The following KLRG1 variants were observed in gnomAD, a reference collection of about 807,000 sequenced individuals.
KLRG1 encodes killer cell lectin-like receptor subfamily G member 1.
KLRG1 carries 16 observed loss-of-function variants against 21.8 expected under a neutral mutation model. That is an observed-to-expected ratio of 0.73 (90% confidence interval 0.50 to 1.11). The LOEUF is 1.11. KLRG1 is among the 50% of genes most tolerant of loss of function. The pLI, the probability that KLRG1 is intolerant of heterozygous loss-of-function variation, is 0.00. For missense variants in KLRG1, 173 were observed against 218.3 expected (o/e 0.79, Z 1.31); for synonymous variants, 69 against 75.9 (o/e 0.91, Z 0.47).
At chr12:8,998,803 C>G (rs2137376945) in intron 3 of KLRG1, among the ~76,000 whole-genome samples, 1 of 152,092 alleles carries the variant, frequency 6.6e-6, no homozygotes, top group Admixed American at 6.5e-5. Context: ...ACTTTTTCTA[C>G]TAATTGTCTT....
chr12:8,977,674 CT>C (rs201008797), intron 1 of KLRG1, among the ~76,000 whole-genome samples: 1 of 151,722 alleles, frequency 6.6e-6, no homozygotes, highest in Non-Finnish European at 1.5e-5. Flanking sequence ...TGCTGTCTTC[CT>C]TTTTTTTATT....
chr12:9,195,919 T>A, the KLRG1 span, among the ~76,000 whole-genome samples: 1 of 151,844 alleles, frequency 6.6e-6, no homozygotes, highest in African/African-American at 2.4e-5. Flanking sequence ...ATGCCTAAAA[T>A]TAAAGACTTA....
chr12:9,037,599 C>T, the KLRG1 span, among the ~76,000 whole-genome samples: 3 of 152,090 alleles, frequency 2.0e-5, no homozygotes, highest in South Asian at 6.2e-4. Flanking sequence ...CAATAATGTC[C>T]TAGGCTTTCA....
the KLRG1 span, chr12:9,072,903 T>G: frequency 6.3e-7 from 1 of 1,584,066 alleles, no homozygotes; most frequent in Non-Finnish European, 8.6e-7. Flanking sequence ...GAGAACCCAT[T>G]GGGCATTATA....
At chr12:9,034,608 G>C in the KLRG1 span, among the ~76,000 whole-genome samples, 1 of 151,970 alleles carries the variant, frequency 6.6e-6, no homozygotes, top group South Asian at 2.1e-4. Flanking sequence ...CACCATGCCC[G>C]GCTAATTTTT....
At chr12:9,205,423 G>A in the KLRG1 span, among the ~76,000 whole-genome samples, 2 of 152,142 alleles carry the variant, frequency 1.3e-5, no homozygotes, top group African/African-American at 4.8e-5. Context: ...AGCTGTCTCT[G>A]TATTAAGCCA....
the KLRG1 span, chr12:9,165,491 C>T: frequency 9.3e-7 from 1 of 1,080,414 alleles, no homozygotes; most frequent in Non-Finnish European, 1.3e-6. Flanking sequence ...TGCGAGTGTG[C>T]ATTCGTGTGA....
At chr12:8,960,856 A>G (rs1946369854) in intron 1 of KLRG1, among the ~76,000 whole-genome samples, 1 of 152,164 alleles carries the variant, frequency 6.6e-6, no homozygotes, top group Non-Finnish European at 1.5e-5. Flanking sequence ...GAGATTCCCT[A>G]AGGTCTCCTC....
the KLRG1 span, among the ~76,000 whole-genome samples, chr12:9,043,688 G>A: frequency 6.6e-6 from 1 of 152,188 alleles, no homozygotes; most frequent in Non-Finnish European, 1.5e-5. Flanking sequence ...TCCCTCAAGA[G>A]GTGAAATCTG....
chr12:8,997,782 T>C (rs1947178601), intron 3 of KLRG1, among the ~76,000 whole-genome samples: 1 of 152,064 alleles, frequency 6.6e-6, no homozygotes, highest in Admixed American at 6.6e-5. Context: ...TTATGTATAG[T>C]ATTCTTTTTT....
At chr12:9,028,441 C>T in the KLRG1 span, among the ~76,000 whole-genome samples, 181 of 119,062 alleles carry the variant, frequency 1.5e-3, 5 homozygotes, top group African/African-American at 4.5e-3. Context: ...TGAGCCACCA[C>T]GCCAGGCCTT....
chr12:9,013,663 C>T (rs1161940321), downstream of KLRG1, among the ~76,000 whole-genome samples: 1 of 152,110 alleles, frequency 6.6e-6, no homozygotes, highest in Non-Finnish European at 1.5e-5. Context: ...GGGAAACTCC[C>T]CTTCATAAGA....
chr12:9,000,319 G>A (rs1947267944), intron 3 of KLRG1, among the ~76,000 whole-genome samples: 1 of 152,174 alleles, frequency 6.6e-6, no homozygotes, highest in Non-Finnish European at 1.5e-5. Context: ...TTTATAATCA[G>A]ATTAAGCAGC....
chr12:9,038,140 A>C, the KLRG1 span, among the ~76,000 whole-genome samples: 1 of 152,198 alleles, frequency 6.6e-6, no homozygotes, highest in Non-Finnish European at 1.5e-5. Flanking sequence ...GCTTGCCTAT[A>C]GTCCTACCTA....
intron 1 of KLRG1, among the ~76,000 whole-genome samples, chr12:8,981,200 A>C (rs1323550158): frequency 6.6e-6 from 1 of 152,192 alleles, no homozygotes; most frequent in African/African-American, 2.4e-5. Context: ...TATCAGTCTT[A>C]ATCTTGTCAA....
the KLRG1 span, among the ~76,000 whole-genome samples, chr12:9,089,453 A>G: frequency 6.6e-6 from 1 of 152,136 alleles, no homozygotes; most frequent in South Asian, 2.1e-4. Context: ...AAGTAAATCA[A>G]AGGGAGGCTG....
chr12:9,116,994 C>T, the KLRG1 span, among the ~76,000 whole-genome samples: 4 of 151,948 alleles, frequency 2.6e-5, no homozygotes, highest in African/African-American at 7.3e-5. Flanking sequence ...GAGCACATAA[C>T]CCAGACCTGG....
intron 3 of KLRG1, among the ~76,000 whole-genome samples, chr12:8,998,384 G>C (rs867103049): frequency 1.3e-5 from 2 of 151,886 alleles, no homozygotes; most frequent in African/African-American, 4.8e-5. Context: ...AAATCTGGCA[G>C]AGCCAAATTT....
chr12:9,199,338 C>G, the KLRG1 span, among the ~76,000 whole-genome samples: 23 of 152,132 alleles, frequency 1.5e-4, no homozygotes, highest in African/African-American at 5.6e-4. Flanking sequence ...AGCGCATCCT[C>G]CTTCCTCAAT....
Sources: allele counts gnomAD v4.1 joint callset (sites outside exome capture counted in the v4.1 genomes callset), GRCh38; gene constraint gnomAD v4.1.1; transcripts MANE v1.5; gene names NCBI Gene and HGNC (gene_info 2026-07-23, HGNC 2026-07-21).